The following DTHD1 variants were observed in gnomAD, a reference collection of about 807,000 sequenced individuals.
The protein encoded by DTHD1 is death domain-containing protein 1.
A neutral mutation model predicts 74.8 loss-of-function variants in DTHD1; 59 were observed. The observed-to-expected ratio is 0.79, with a 90% CI of 0.64 to 0.98. DTHD1 has a LOEUF of 0.98. Among genes scored for constraint, DTHD1 ranks in the 50% least tolerant of loss-of-function variants. DTHD1 has a pLI of 0.00. For missense variants in DTHD1, 1,051 were observed against 1,065.4 expected, an observed-to-expected ratio of 0.99 and a Z score of 0.19; for synonymous variants, 365 against 371.1, an observed-to-expected ratio of 0.98 and a Z score of 0.19.
intron 8 of DTHD1, among the ~76,000 whole-genome samples, chr4:36,335,040 G>T (rs1004710821): frequency 6.6e-6 from 1 of 152,114 alleles, no homozygotes; most frequent in Non-Finnish European, 1.5e-5. Flanking sequence ...TATATGAATG[G>T]CATTAACAAC....
At chr4:36,315,608 T>C (rs1466942133) in intron 7 of DTHD1, 1 of 151,892 alleles carries the variant, frequency 6.6e-6, no homozygotes, top group Non-Finnish European at 1.5e-5. Flanking sequence ...ATATGAATAG[T>C]TAGGGGAAAG....
intron 9 of DTHD1, among the ~76,000 whole-genome samples, chr4:36,343,293 T>C (rs1759423192): frequency 6.6e-6 from 1 of 152,194 alleles, no homozygotes; most frequent in Admixed American, 6.5e-5. Context: ...TAAAACTCTC[T>C]GCAATAGCTA....
At chr4:36,327,015 G>A (rs553206522) in intron 8 of DTHD1, among the ~76,000 whole-genome samples, 10 of 150,634 alleles carry the variant, frequency 6.6e-5, no homozygotes, top group East Asian at 2.0e-4. Flanking sequence ...CACCCAGACC[G>A]GAGTGCAGTG....
At chr4:36,337,207 G>A (rs1309152554) in intron 8 of DTHD1, among the ~76,000 whole-genome samples, 1 of 151,788 alleles carries the variant, frequency 6.6e-6, no homozygotes, top group Non-Finnish European at 1.5e-5. Flanking sequence ...AAAGTGAAGG[G>A]AAAAGAAGGC....
At chr4:36,297,363 T>C (rs1215463681) in intron 5 of DTHD1, among the ~76,000 whole-genome samples, 1 of 152,216 alleles carries the variant, frequency 6.6e-6, no homozygotes, top group Non-Finnish European at 1.5e-5. Context: ...TAACACCATA[T>C]CATCTATCTA....
chr4:36,284,940 A>T (rs1755614446), intron 2 of DTHD1, among the ~76,000 whole-genome samples: 1 of 152,136 alleles, frequency 6.6e-6, no homozygotes, highest in South Asian at 2.1e-4. Flanking sequence ...TCCCAAAAGG[A>T]CCCACCTCCT....
At chr4:36,322,234 C>T (rs183400992) in intron 8 of DTHD1, among the ~76,000 whole-genome samples, 57 of 152,240 alleles carry the variant, frequency 3.7e-4, no homozygotes, top group African/African-American at 1.3e-3. Context: ...AGACGGGGAA[C>T]ATTTTTTGTT....
Position 36,343,774 on chromosome 4 carries a change from A to G in DTHD1, c.2671A>G (p.Asn891Asp). 6.4e-7 allele frequency: 1 copy of G among 1,551,396 alleles called. No homozygotes were observed. Among genetic ancestry groups the G allele is most frequent in the South Asian group, 1.2e-5 (1 of 84,058 alleles). ...AGAAGAGCTCAAATTCAAGTGGGAAAATAAAGTGTTCACTGAACCACAGCA... is the reference window on the plus strand; with the variant it reads ...AGAAGAGCTCAAATTCAAGTGGGAAGATAAAGTGTTCACTGAACCACAGCA... ...LAEELKFKWE[N>D]KVFTEPQQCF... Residue 891 changes from asparagine (N) to aspartate (D), a missense_variant, in exon 10 of 10, where the codon AAT becomes GAT. By Grantham distance (23) the Asn-to-Asp change is conservative (BLOSUM62 1). Transcript: ENST00000639862.
At chr4:36,291,425 T>A (rs1756070234) in intron 3 of DTHD1, among the ~76,000 whole-genome samples, 1 of 152,244 alleles carries the variant, frequency 6.6e-6, no homozygotes, top group Non-Finnish European at 1.5e-5. Context: ...AAACACATGT[T>A]AGTTGTTAAT....
chr4:36,288,751 G>C (rs139962822), intron 2 of DTHD1, among the ~76,000 whole-genome samples: 1 of 152,258 alleles, frequency 6.6e-6, no homozygotes, highest in East Asian at 1.9e-4. Context: ...AAAGAGAATG[G>C]AACCATTTAA....
rs1196956846 is a variant in DTHD1, at chr4:36,293,656, T to G, written c.1349T>G (p.Leu450Ter). 1 of 1,547,712 alleles carries G rather than the reference T, an allele frequency of 6.5e-7. No homozygotes were observed. The highest frequency in any genetic ancestry group is 2.4e-5 in the East Asian group (1 of 40,844). The change falls in exon 4 of 10, where the codon TTA (leucine) becomes TGA (stop). Residue 450 changes from leucine (L) to a stop codon, truncating the protein, a stop_gained. Transcript: ENST00000639862. LOFTEE classifies it high-confidence loss of function. ...TCAAGCATGGATTCCCGAATATCCT[T>G]AAATTACCCTCCAGGAGTTTTTACC... is the stretch of plus-strand genomic sequence containing the variant. ...LKSSMDSRISLNYPPGVFTSP... is the reference protein window; with the variant it reads ...LKSSMDSRIS
At chr4:36,332,536 G>A (rs971834612) in intron 8 of DTHD1, among the ~76,000 whole-genome samples, 9 of 152,126 alleles carry the variant, frequency 5.9e-5, no homozygotes, top group Non-Finnish European at 1.2e-4. Context: ...TTGTCTTTCC[G>A]CTGCATTGTC....
intron 2 of DTHD1, among the ~76,000 whole-genome samples, chr4:36,289,478 G>T (rs1203695054): frequency 6.6e-6 from 1 of 152,030 alleles, no homozygotes; most frequent in East Asian, 1.9e-4. Flanking sequence ...CAATTATCTG[G>T]TCTAAAACTT....
intron 8 of DTHD1, among the ~76,000 whole-genome samples, chr4:36,321,862 C>T (rs993089): frequency 3.9e-5 from 6 of 151,998 alleles, no homozygotes; most frequent in Admixed American, 6.5e-5. Context: ...CTGCTCTACT[C>T]GCCTCCTCAC....
In DTHD1 at chr4:36,284,116, T is replaced by A. The variant is rs1330678038; in HGVS notation, c.412T>A (p.Ser138Thr). ...ATGTACTCCACAGCAGACAATGTCC[T>A]CCATTCAAGATACCAAAGCAGCAGA... The part of the protein sequence containing the change: ...DECTPQQTMS[S>T]IQDTKAADIA... The change falls in exon 2 of 10, where the codon TCC (serine) becomes ACC (threonine). Residue 138 changes from serine (S) to threonine (T), a missense_variant. Ser to Thr is a moderately conservative substitution (Grantham distance 58). Transcript: ENST00000639862. The A allele has an allele frequency of 6.5e-7, 1 of 1,537,118 alleles. No individual in the cohort carries two copies. Among genetic ancestry groups the A allele is most frequent in the African/African-American group, 1.4e-5 (1 of 73,042 alleles).
At position 36,292,768 on chromosome 4, in the gene DTHD1, C is replaced by A. The variant is rs544403460; in HGVS notation, c.1219-758C>A. 9.2e-5 allele frequency among the ~76,000 whole-genome samples: 14 copies of A among 152,296 alleles called. No homozygotes were observed. In the East Asian group the frequency reaches 2.5e-3, roughly 27 times the overall value. On this transcript the variant is annotated intron_variant, in intron 3 of 9. Transcript: ENST00000639862. Reference sequence around the variant, plus strand: ...TATCCACGCATGCTGGGGCAGAGCCCGGCTGCTGATTGGGGAAGTATGAAT... The same window carrying A: ...TATCCACGCATGCTGGGGCAGAGCCAGGCTGCTGATTGGGGAAGTATGAAT...
intron 8 of DTHD1, among the ~76,000 whole-genome samples, chr4:36,332,235 A>T: frequency 4.4e-5 from 4 of 90,202 alleles, no homozygotes; most frequent in African/African-American, 5.4e-5. Flanking sequence ...AATAAAATAA[A>T]ATAAAATAAA....
chr4:36,340,782 C>T (rs912187754), intron 9 of DTHD1, among the ~76,000 whole-genome samples: 2 of 151,654 alleles, frequency 1.3e-5, no homozygotes, highest in Non-Finnish European at 2.9e-5. Flanking sequence ...GTGATGGTAA[C>T]GTCAGTAAGA....
At chr4:36,312,597 A>G (rs937047420) in intron 7 of DTHD1, among the ~76,000 whole-genome samples, 2 of 151,966 alleles carry the variant, frequency 1.3e-5, no homozygotes, top group Non-Finnish European at 2.9e-5. Flanking sequence ...AAAAAAAAAA[A>G]AAGTCTCTAA....
Sources: gnomAD v4.1 joint callset for allele counts (sites outside exome capture counted in the v4.1 genomes callset) on GRCh38, gnomAD v4.1.1 for gene constraint, MANE v1.5 for transcripts, NCBI Gene and HGNC (gene_info 2026-07-23, HGNC 2026-07-21) for gene names.